The following LSAMP variants were observed in gnomAD, a reference collection of about 807,000 sequenced individuals.
LSAMP encodes limbic system associated membrane protein, also known as limbic system-associated membrane protein.
Under a neutral mutation model 38.6 loss-of-function variants are expected in LSAMP, and 7 were observed. The ratio of observed to expected loss-of-function variants is 0.18; its 90% confidence interval spans 0.10 to 0.34. The LOEUF is 0.34. LSAMP is among the 10% of genes least tolerant of loss of function. The pLI, the probability that LSAMP is intolerant of heterozygous loss-of-function variation, is 1.00. For synonymous variants in LSAMP, 154 were observed against 166.8 expected, an observed-to-expected ratio of 0.92 and a Z score of 0.59; for missense variants, 313 against 420.0, an observed-to-expected ratio of 0.75 and a Z score of 2.23.
chr3:116,383,380 GA>G (rs199534732), intron 1 of LSAMP, among the ~76,000 whole-genome samples: 32 of 148,928 alleles, frequency 2.1e-4, no homozygotes, highest in Non-Finnish European at 3.0e-4. Flanking sequence ...AAACTTGAAG[GA>G]AAAAAAAATG....
chr3:116,088,807 TG>T (rs1025580188), intron 1 of LSAMP, among the ~76,000 whole-genome samples: 2 of 152,212 alleles, frequency 1.3e-5, no homozygotes, highest in Non-Finnish European at 2.9e-5. Flanking sequence ...TACCTAAATA[TG>T]GCCTGTGAAT....
chr3:115,884,848 C>T (rs141050482), intron 3 of LSAMP, among the ~76,000 whole-genome samples: 1 of 152,024 alleles, frequency 6.6e-6, no homozygotes, highest in Non-Finnish European at 1.5e-5. Flanking sequence ...ATAAGAAACA[C>T]AAGTATATTC....
At chr3:115,828,721 C>G (rs941538181) in intron 6 of LSAMP, among the ~76,000 whole-genome samples, 16 of 152,192 alleles carry the variant, frequency 1.1e-4, no homozygotes, top group African/African-American at 3.4e-4. Context: ...TAAACCTAAT[C>G]CCCAAATGTA....
intron 3 of LSAMP, among the ~76,000 whole-genome samples, chr3:116,006,492 G>T (rs1015315598): frequency 1.3e-5 from 2 of 152,086 alleles, no homozygotes; most frequent in Admixed American, 6.6e-5. Context: ...AAATAAATGG[G>T]ATTATTTAGT....
chr3:115,983,294 T>C (rs1356382098), intron 3 of LSAMP, among the ~76,000 whole-genome samples: 2 of 152,102 alleles, frequency 1.3e-5, no homozygotes, highest in African/African-American at 2.4e-5. Flanking sequence ...GCAGGGAGGA[T>C]TGCTCAACAC....
At chr3:115,938,925 GAGCA>G (rs1180617883) in intron 3 of LSAMP, among the ~76,000 whole-genome samples, 1 of 152,174 alleles carries the variant, frequency 6.6e-6, no homozygotes, top group Admixed American at 6.5e-5. Flanking sequence ...TAGCACCAGA[GAGCA>G]GGTAGTTGGG....
chr3:116,251,418 AGTT>A (rs1308585523), intron 1 of LSAMP, among the ~76,000 whole-genome samples: 1 of 152,204 alleles, frequency 6.6e-6, no homozygotes, highest in African/African-American at 2.4e-5. Context: ...TTCTAACAGA[AGTT>A]GTTCATGGGA....
At chr3:116,127,138 T>G (rs906980338) in intron 1 of LSAMP, among the ~76,000 whole-genome samples, 1 of 152,224 alleles carries the variant, frequency 6.6e-6, no homozygotes, top group Non-Finnish European at 1.5e-5. Flanking sequence ...TCTAGGATTT[T>G]CTAGGAATTT....
intron 1 of LSAMP, among the ~76,000 whole-genome samples, chr3:116,218,843 C>T (rs1286860385): frequency 6.6e-6 from 1 of 152,144 alleles, no homozygotes; most frequent in African/African-American, 2.4e-5. Flanking sequence ...GAAATCAGTC[C>T]TTAGCTTTTC....
intron 1 of LSAMP, among the ~76,000 whole-genome samples, chr3:116,138,311 T>C (rs1709294726): frequency 1.3e-5 from 2 of 152,120 alleles, no homozygotes; most frequent in Non-Finnish European, 2.9e-5. Context: ...GAAACATAAT[T>C]CATAATTCAA....
At chr3:115,973,553 C>A (rs544371520) in intron 3 of LSAMP, among the ~76,000 whole-genome samples, 1 of 152,018 alleles carries the variant, frequency 6.6e-6, no homozygotes, top group South Asian at 2.1e-4. Context: ...CTCCACATGG[C>A]GAAATGCCGT....
chr3:115,843,801 T>G (rs1935073716), intron 4 of LSAMP, among the ~76,000 whole-genome samples: 1 of 152,202 alleles, frequency 6.6e-6, no homozygotes, highest in South Asian at 2.1e-4. Context: ...GCAATTTCCT[T>G]CCTGATTTTA....
At chr3:116,411,265 C>A (rs1576203270) in intron 1 of LSAMP, among the ~76,000 whole-genome samples, 1 of 152,106 alleles carries the variant, frequency 6.6e-6, no homozygotes, top group Middle Eastern at 3.4e-3. Flanking sequence ...ACCCAGCCAT[C>A]CCATTACTGG....
intron 1 of LSAMP, among the ~76,000 whole-genome samples, chr3:116,208,508 T>C (rs961900702): frequency 1.1e-4 from 17 of 152,358 alleles, no homozygotes; most frequent in African/African-American, 4.1e-4. Flanking sequence ...TTTTCTGTTC[T>C]GTTTTTTCCC....
At chr3:116,050,867 A>G (rs1252566804) in intron 2 of LSAMP, among the ~76,000 whole-genome samples, 1 of 152,224 alleles carries the variant, frequency 6.6e-6, no homozygotes, top group Non-Finnish European at 1.5e-5. Flanking sequence ...GATCAATGAC[A>G]TCTTGTGGAA....
intron 1 of LSAMP, among the ~76,000 whole-genome samples, chr3:116,411,415 G>A (rs1315148109): frequency 6.6e-6 from 1 of 151,784 alleles, no homozygotes; most frequent in Non-Finnish European, 1.5e-5. Flanking sequence ...AGAAAATGTG[G>A]CACATAGACA....
At chr3:116,078,164 A>T (rs746168764) in intron 2 of LSAMP, among the ~76,000 whole-genome samples, 11 of 152,038 alleles carry the variant, frequency 7.2e-5, no homozygotes, top group Non-Finnish European at 1.3e-4. Context: ...GTATCCATTG[A>T]TATTTCTTGC....
chr3:115,996,820 G>A (rs1457935137), intron 3 of LSAMP, among the ~76,000 whole-genome samples: 1 of 152,072 alleles, frequency 6.6e-6, no homozygotes. Flanking sequence ...AAATAAACCA[G>A]GTCTATTCAA....
intron 1 of LSAMP, among the ~76,000 whole-genome samples, chr3:116,144,892 T>C (rs1709455513): frequency 6.6e-6 from 1 of 151,952 alleles, no homozygotes; most frequent in Non-Finnish European, 1.5e-5. Context: ...TTGAACTAAT[T>C]ATGTAAAATA....
Sources: gnomAD v4.1 joint callset for allele counts (sites outside exome capture counted in the v4.1 genomes callset) on GRCh38, gnomAD v4.1.1 for gene constraint, MANE v1.5 for transcripts, NCBI Gene and HGNC (gene_info 2026-07-23, HGNC 2026-07-21) for gene names.